GPHN: variants seen among roughly 807,000 people sequenced by gnomAD.
GPHN encodes the protein gephyrin.
A neutral mutation model predicts 95.5 loss-of-function variants in GPHN; 17 were observed. That is an observed-to-expected ratio of 0.18 (90% CI 0.12 to 0.27). The LOEUF is 0.27. Ranked by LOEUF, GPHN falls within the 10% of genes least tolerant of loss-of-function variation. The pLI, the probability that GPHN is intolerant of heterozygous loss-of-function variation, is 1.00. For missense variants in GPHN, 660 were observed against 978.1 expected, an observed-to-expected ratio of 0.67 and a Z score of 4.34; for synonymous variants, 320 against 322.5, an observed-to-expected ratio of 0.99 and a Z score of 0.08.
the GPHN span, chr14:67,204,982 G>T: frequency 6.3e-7 from 1 of 1,579,634 alleles, no homozygotes; most frequent in Non-Finnish European, 8.6e-7. Context: ...AGTCATAGAA[G>T]TCAGAGAAGC....
At chr14:67,619,813 C>T in the GPHN span, 10 of 559,910 alleles carry the variant, frequency 1.8e-5, no homozygotes, top group African/African-American at 2.0e-4. Flanking sequence ...GAAGGTGTGC[C>T]GGGGGCTGGT....
At chr14:67,675,674 T>C in the GPHN span, among the ~76,000 whole-genome samples, 2 of 152,148 alleles carry the variant, frequency 1.3e-5, no homozygotes, top group African/African-American at 4.8e-5. Context: ...GAATAAAACA[T>C]TTAATCTCTG....
chr14:67,204,810 C>G, the GPHN span: 7 of 1,613,978 alleles, frequency 4.3e-6, no homozygotes, highest in South Asian at 7.7e-5. Context: ...TCACCACGTT[C>G]ACAGCCATCC....
At chr14:67,553,158 C>T in the GPHN span, among the ~76,000 whole-genome samples, 1 of 152,156 alleles carries the variant, frequency 6.6e-6, no homozygotes, top group Non-Finnish European at 1.5e-5. Context: ...ATCAGCCAAT[C>T]GTTTCAGAAT....
At chr14:66,567,728 T>C (rs1269401242) in intron 1 of GPHN, among the ~76,000 whole-genome samples, 1 of 152,220 alleles carries the variant, frequency 6.6e-6, no homozygotes, top group Non-Finnish European at 1.5e-5. Flanking sequence ...TTTACTGATA[T>C]ATGCTCCACT....
intron 1 of GPHN, among the ~76,000 whole-genome samples, chr14:66,523,011 C>T (rs542202739): frequency 4.6e-5 from 7 of 152,022 alleles, no homozygotes; most frequent in Non-Finnish European, 1.0e-4. Context: ...CTAAAATCCC[C>T]TTCAGCTCTA....
chr14:67,581,856 C>A, the GPHN span: 1 of 540,742 alleles, frequency 1.8e-6, no homozygotes, highest in Non-Finnish European at 3.3e-6. Flanking sequence ...CAGAATGAAC[C>A]ATGCCCTCCT....
intron 10 of GPHN, among the ~76,000 whole-genome samples, chr14:67,056,006 T>C (rs2075548787): frequency 6.6e-6 from 1 of 152,192 alleles, no homozygotes; most frequent in Admixed American, 6.5e-5. Context: ...ACCGTGAGTG[T>C]TACAGCTCTT....
chr14:67,587,302 T>G, the GPHN span: 2 of 1,569,946 alleles, frequency 1.3e-6, no homozygotes, highest in African/African-American at 1.4e-5. Context: ...TATCCTAGGG[T>G]ATGATACTAC....
intron 1 of GPHN, among the ~76,000 whole-genome samples, chr14:66,669,088 G>T (rs2066147122): frequency 6.6e-6 from 1 of 152,006 alleles, no homozygotes; most frequent in South Asian, 2.1e-4. Flanking sequence ...TTCCAGCCGG[G>T]CATGGTGGCT....
the GPHN span, among the ~76,000 whole-genome samples, chr14:67,448,846 A>T: frequency 6.6e-6 from 1 of 152,342 alleles, no homozygotes; most frequent in East Asian, 1.9e-4. Flanking sequence ...ACCTTGACCT[A>T]AGAGGTAGAA....
At chr14:66,822,867 C>A (rs1384144446) in intron 3 of GPHN, among the ~76,000 whole-genome samples, 1 of 152,080 alleles carries the variant, frequency 6.6e-6, no homozygotes, top group African/African-American at 2.4e-5. Flanking sequence ...GTGGCACAGG[C>A]ATTTCACTAC....
intron 9 of GPHN, among the ~76,000 whole-genome samples, chr14:67,001,994 A>C (rs2153611288): frequency 6.6e-6 from 1 of 151,710 alleles, no homozygotes. Flanking sequence ...TAGAATTATC[A>C]ATTTTCCCTG....
intron 3 of GPHN, among the ~76,000 whole-genome samples, chr14:66,807,164 G>T (rs1222056482): frequency 6.6e-6 from 1 of 152,180 alleles, no homozygotes; most frequent in Non-Finnish European, 1.5e-5. Context: ...GTGCAGGGAA[G>T]ATTCCCTTTT....
chr14:67,199,075 C>T, the GPHN span: 7 of 917,638 alleles, frequency 7.6e-6, no homozygotes, highest in African/African-American at 4.9e-5. Context: ...GCTACCAGGC[C>T]GATCTCCGAG....
chr14:67,478,424 C>T, the GPHN span, among the ~76,000 whole-genome samples: 1 of 152,232 alleles, frequency 6.6e-6, no homozygotes, highest in African/African-American at 2.4e-5. Flanking sequence ...CTGGTTCACG[C>T]CCTCATCATG....
intron 2 of GPHN, among the ~76,000 whole-genome samples, chr14:66,704,796 C>CAAGAAATAACT (rs2068903305): frequency 6.6e-6 from 1 of 151,996 alleles, no homozygotes; most frequent in Non-Finnish European, 1.5e-5. Context: ...TAGTAGAAGA[C>CAAGAAATAACT]AAGAAATAAC....
the GPHN span, among the ~76,000 whole-genome samples, chr14:67,323,261 G>GTGTGTGTGTGTGTATA: frequency 3.2e-5 from 4 of 124,140 alleles, no homozygotes; most frequent in African/African-American, 1.1e-4. Context: ...GTGTGTGTGT[G>GTGTGTGTGTGTGTATA]TATATATATA....
the GPHN span, among the ~76,000 whole-genome samples, chr14:67,669,101 G>A: frequency 3.3e-5 from 5 of 152,110 alleles, no homozygotes; most frequent in Non-Finnish European, 1.5e-5. Context: ...CTGTGAAGTA[G>A]ATACTATGAT....
Sources: allele counts gnomAD v4.1 joint callset (sites outside exome capture counted in the v4.1 genomes callset), GRCh38; gene constraint gnomAD v4.1.1; transcripts MANE v1.5; gene names NCBI Gene and HGNC (gene_info 2026-07-23, HGNC 2026-07-21).